MAP3K13: variants seen among roughly 807,000 people sequenced by gnomAD.
MAP3K13 encodes the protein mitogen-activated protein kinase kinase kinase 13.
A neutral mutation model predicts 104.0 loss-of-function variants in MAP3K13; 52 were observed. The observed-to-expected ratio is 0.50, with a 90% CI of 0.40 to 0.63. The LOEUF (loss-of-function observed/expected upper bound fraction) is 0.63, where lower values mean the gene tolerates loss of function less well. MAP3K13 is among the 20% of genes least tolerant of loss of function. The pLI, the probability that MAP3K13 is intolerant of heterozygous loss-of-function variation, is 0.00. For missense variants in MAP3K13, 914 were observed against 1,218.5 expected (o/e 0.75, Z 3.72); for synonymous variants, 394 against 442.2 (o/e 0.89, Z 1.37).
intron 1 of MAP3K13, among the ~76,000 whole-genome samples, chr3:185,425,866 C>T (rs1164679047): frequency 1.3e-5 from 2 of 152,140 alleles, no homozygotes; most frequent in East Asian, 3.9e-4. Flanking sequence ...TTTCTGAGCT[C>T]CCATTGCATC....
At chr3:185,415,401 A>G (rs1179128004) in intron 1 of MAP3K13, among the ~76,000 whole-genome samples, 1 of 151,444 alleles carries the variant, frequency 6.6e-6, no homozygotes, top group Non-Finnish European at 1.5e-5. Context: ...CAAGTGATCT[A>G]CCTGCTTCAG....
At chr3:185,301,039 A>G (rs1469483073) in intron 2 of MAP3K13, among the ~76,000 whole-genome samples, 2 of 152,184 alleles carry the variant, frequency 1.3e-5, no homozygotes, top group Non-Finnish European at 2.9e-5. Context: ...TTTCCATAGC[A>G]GCTGCACTAT....
Position 185,482,360 on chromosome 3 carries a change from C to A in MAP3K13, c.2805C>A (p.Pro935=). The A allele has an allele frequency of 6.2e-7, 1 of 1,612,962 alleles. No homozygotes were observed. Among genetic ancestry groups the A allele is most frequent in the Non-Finnish European group, 8.5e-7 (1 of 1,178,936 alleles). The change falls in exon 14 of 14, where the codon CCC becomes CCA. Residue 935 remains proline, a synonymous_variant. Transcript: ENST00000265026. This position sits in a 1 kb window ranked among gnomAD's most constrained non-coding sequence, Gnocchi z 4.5. ...LCVEERGYEN[P]MQFEESDCDS... ...GTTTTGTCTTGCCTTTGCAGAACCC[C>A]ATGCAGTTTGAAGAATCGGACTGTG... is the stretch of plus-strand genomic sequence containing the variant.
At chr3:185,381,630 T>C (rs1724727097) in intron 1 of MAP3K13, among the ~76,000 whole-genome samples, 1 of 152,226 alleles carries the variant, frequency 6.6e-6, no homozygotes, top group African/African-American at 2.4e-5. Flanking sequence ...GTTGGTGATT[T>C]CACTGTTTAA....
intron 1 of MAP3K13, among the ~76,000 whole-genome samples, chr3:185,395,512 C>T (rs1712349812): frequency 8.5e-6 from 1 of 117,408 alleles, no homozygotes; most frequent in Non-Finnish European, 1.8e-5. Context: ...GCACCCGCCA[C>T]CACGCCCGGC....
chr3:185,404,095 A>G (rs1034114464), intron 1 of MAP3K13, among the ~76,000 whole-genome samples: 3 of 152,268 alleles, frequency 2.0e-5, no homozygotes, highest in Non-Finnish European at 4.4e-5. Flanking sequence ...TACCACTGCC[A>G]TTAACATTAT....
chr3:185,376,443 G>A (rs980966816), intron 1 of MAP3K13, among the ~76,000 whole-genome samples: 2 of 152,156 alleles, frequency 1.3e-5, no homozygotes, highest in African/African-American at 4.8e-5. Flanking sequence ...AAACAGTAAG[G>A]TCAAGTTGTT....
intron 1 of MAP3K13, among the ~76,000 whole-genome samples, chr3:185,421,114 A>G (rs1714093701): frequency 6.6e-6 from 1 of 151,926 alleles, no homozygotes. Flanking sequence ...CACCTCACCT[A>G]CAGACCTTCC....
At chr3:185,340,358 A>G (rs907007868) in intron 2 of MAP3K13, among the ~76,000 whole-genome samples, 1 of 152,186 alleles carries the variant, frequency 6.6e-6, no homozygotes, top group Non-Finnish European at 1.5e-5. Context: ...CAGTGAGGCC[A>G]TGCAGCCTAA....
At chr3:185,381,620 G>A (rs917065802) in intron 1 of MAP3K13, among the ~76,000 whole-genome samples, 2 of 151,992 alleles carry the variant, frequency 1.3e-5, no homozygotes, top group African/African-American at 4.8e-5. Context: ...TTGCATTTTT[G>A]TTGGTGATTT....
chr3:185,325,031 C>T lies in MAP3K13; in HGVS notation c.-86+39388C>T, dbSNP rs141435382. On this transcript the variant is annotated intron_variant, in intron 2 of 14. Transcript: ENST00000424227. ...TATGGATCAGTATCAAACTAAAGGTCTCTAATAACATGTTTCAGAACTCTA... is the reference window on the plus strand; with the variant it reads ...TATGGATCAGTATCAAACTAAAGGTTTCTAATAACATGTTTCAGAACTCTA... 5.3e-3 allele frequency among the ~76,000 whole-genome samples: 808 copies of T among 152,292 alleles called. 12 individuals carry two copies. Among genetic ancestry groups the T allele is most frequent in the African/African-American group, 0.019 (780 of 41,560 alleles).
chr3:185,296,345 T>C (rs1279176788), intron 2 of MAP3K13, among the ~76,000 whole-genome samples: 3 of 152,190 alleles, frequency 2.0e-5, no homozygotes, highest in African/African-American at 4.8e-5. Flanking sequence ...ATGCCTCTGC[T>C]CTCTCCTTAC....
In MAP3K13 at chr3:185,455,246, GAT is replaced by G. The variant is rs1190308666; in HGVS notation, c.1278+3858_1278+3859del. Reference sequence around the variant, plus strand: ...TATGATATATATGAGATATATATATGATATATATGAGATATATGAGATATATA... The same window carrying G: ...TATGATATATATGAGATATATATATGATATATGAGATATATGAGATATATA... On this transcript the variant is annotated intron_variant, in intron 7 of 13. Coordinates refer to ENST00000265026, the MANE Select transcript of MAP3K13 (RefSeq NM_004721.5). 2.1e-4 allele frequency among the ~76,000 whole-genome samples: 9 copies of G among 43,354 alleles called. 1 individual carries two copies. Among genetic ancestry groups the G allele is most frequent in the African/African-American group, 4.0e-4 (6 of 15,092 alleles). The allele number at this position is 43,354 out of a possible 152,430, so 28.4% of individuals were successfully genotyped here.
chr3:185,398,450 C>T (rs1325434612), intron 1 of MAP3K13, among the ~76,000 whole-genome samples: 2 of 152,216 alleles, frequency 1.3e-5, no homozygotes, highest in African/African-American at 4.8e-5. Flanking sequence ...TCTCACTATA[C>T]TTAGTGCCTC....
In MAP3K13 at chr3:185,483,454, GGAA is replaced by G. The variant is rs1718570353; in HGVS notation, c.*1002_*1004del. On this transcript the variant is annotated 3_prime_UTR_variant, in exon 14 of 14. Transcript: ENST00000265026. The stretch of plus-strand genomic sequence containing the variant: ...CTGAGGAGGAGAAAAGGGTGAGAGA[GGAA>G]GAACATCTACAGTGGTGTTAGGAAA... The G allele has an allele frequency of 4.3e-6, 1 of 230,694 alleles. No homozygotes were observed. Among genetic ancestry groups the G allele is most frequent in the South Asian group, 1.8e-4 (1 of 5,510 alleles). 14.3% of individuals were successfully genotyped at this position (230,694 alleles called of 1,614,324 possible). A position where few individuals can be genotyped will look rare whatever the true frequency, so the allele number is the denominator to read the frequency against.
chr3:185,301,493 G>A (rs756351282), intron 2 of MAP3K13, among the ~76,000 whole-genome samples: 3 of 152,124 alleles, frequency 2.0e-5, no homozygotes, highest in South Asian at 2.1e-4. Flanking sequence ...TGCACTTGTT[G>A]CCTGTGCTTT....
chr3:185,374,295 T>C (rs929669200), intron 1 of MAP3K13, among the ~76,000 whole-genome samples: 3 of 152,018 alleles, frequency 2.0e-5, no homozygotes, highest in African/African-American at 7.2e-5. Context: ...AGTGTTGGGG[T>C]GGCGAAAATT....
intron 1 of MAP3K13, among the ~76,000 whole-genome samples, chr3:185,411,228 C>G (rs925795463): frequency 6.6e-6 from 1 of 151,852 alleles, no homozygotes; most frequent in African/African-American, 2.4e-5. Context: ...AATTTGCAAT[C>G]AGTTATTTAG....
rs955242650 is a variant in MAP3K13 at position 185,484,914 on chromosome 3, T to C, written c.*2458T>C. The C allele has an allele frequency of 2.0e-5, 3 of 152,158 alleles. No homozygotes were observed. Among genetic ancestry groups the C allele is most frequent in the Admixed American group, 6.5e-5 (1 of 15,276 alleles). 9.4% of individuals were successfully genotyped at this position (152,158 alleles called of 1,614,324 possible). On this transcript the variant is annotated 3_prime_UTR_variant, in exon 14 of 14. Transcript: ENST00000265026. ...TATGATTTTAATGAAGGAATGAAAA[T>C]GGAATTCCCATTTGGGAGCTCCCTG...
Sources: allele counts gnomAD v4.1 joint callset (sites outside exome capture counted in the v4.1 genomes callset), GRCh38; gene constraint gnomAD v4.1.1; non-coding constraint Gnocchi (gnomAD v3.1); transcripts MANE v1.5; gene names NCBI Gene and HGNC (gene_info 2026-07-23, HGNC 2026-07-21).